Variants in LAMA4 observed in about 807,000 individuals in gnomAD.
LAMA4 encodes the protein laminin subunit alpha-4.
A neutral mutation model predicts 207.1 loss-of-function variants in LAMA4; 127 were observed. That is an observed-to-expected ratio of 0.61 (90% confidence interval 0.53 to 0.71). The LOEUF (loss-of-function observed/expected upper bound fraction) is 0.71. Ranked by LOEUF, LAMA4 falls within the 30% of genes least tolerant of loss-of-function variation. The pLI is 0.00. For missense variants in LAMA4, 2,093 were observed against 2,246.5 expected (o/e 0.93, Z 1.38); for synonymous variants, 761 against 816.0 (o/e 0.93, Z 1.15).
intron 2 of LAMA4, among the ~76,000 whole-genome samples, chr6:112,228,981 G>T (rs1785389964): frequency 6.6e-6 from 1 of 152,198 alleles, no homozygotes; most frequent in African/African-American, 2.4e-5. Flanking sequence ...CAGCAGATGT[G>T]CGAAGTGATA....
intron 5 of LAMA4, among the ~76,000 whole-genome samples, chr6:112,192,170 C>A (rs1190169235): frequency 6.6e-6 from 1 of 152,182 alleles, no homozygotes; most frequent in African/African-American, 2.4e-5. Context: ...ACCAGATATG[C>A]CAAAGGTACT....
rs4036073 is a variant in LAMA4, at chr6:112,118,721, A to ATGTGTGTGTG, written c.4821+425_4821+434dup. Among the ~76,000 whole-genome samples the ATGTGTGTGTG allele has an allele frequency of 2.7e-5, 4 of 148,436 alleles. No individual in the cohort carries two copies. The highest frequency in any genetic ancestry group is 9.9e-5 in the African/African-American group (4 of 40,556). Reference sequence around the variant, plus strand: ...TTACAAATTGTGTGTGTGTGTGTGTATGTGTGTGTGTGTGTGTGTGTGTGT... The same window carrying ATGTGTGTGTG: ...TTACAAATTGTGTGTGTGTGTGTGTATGTGTGTGTGTGTGTGTGTGTGTGTGTGTGTGTGT... On this transcript the variant is annotated intron_variant, in intron 34 of 38. Coordinates refer to ENST00000230538, the MANE Select transcript of LAMA4 (RefSeq NM_001105206.3). The surrounding 1 kb of genome is among the most constrained non-coding windows in gnomAD (Gnocchi z 4.6).
rs373103456 is a variant in LAMA4 at position 112,116,008 on chromosome 6, A to G, written c.4982-15T>C. ...GAAAGATTCATCTGTGGAGAGAAAC[A>G]CTATAAACTCCCAAGAACAGCAAGA... On this transcript the variant is annotated splice_polypyrimidine_tract_variant and intron_variant, in intron 35 of 38. Coordinates refer to ENST00000230538, the MANE Select transcript of LAMA4 (RefSeq NM_001105206.3). 1.1e-5 allele frequency: 17 copies of G among 1,609,654 alleles called. No individual in the cohort carries two copies. In the Admixed American group the frequency reaches 1.5e-4, roughly 14 times the overall value.
At chr6:112,167,619 A>C (rs916575882) in intron 12 of LAMA4, among the ~76,000 whole-genome samples, 2 of 152,228 alleles carry the variant, frequency 1.3e-5, no homozygotes, top group Non-Finnish European at 2.9e-5. Flanking sequence ...AGTCCAAGTT[A>C]ATATGAAATA....
chr6:112,186,064 A>T (rs1554346561), intron 8 of LAMA4, among the ~76,000 whole-genome samples: 1 of 152,262 alleles, frequency 6.6e-6, no homozygotes, highest in African/African-American at 2.4e-5. Context: ...CCAAGATTCT[A>T]TCCAGGCTAC....
intron 6 of LAMA4, among the ~76,000 whole-genome samples, chr6:112,190,697 T>A (rs1757532434): frequency 1.3e-5 from 2 of 152,250 alleles, no homozygotes; most frequent in Non-Finnish European, 1.5e-5. Context: ...TTTTCTATGC[T>A]ATCTTTGAAA....
At chr6:112,254,619 T>G, upstream of LAMA4, 4 of 189,022 alleles carry the variant, frequency 2.1e-5, no homozygotes, top group Non-Finnish European at 2.2e-5. Context: ...GCCCTCCCAC[T>G]CTAAGCTGGC....
intron 18 of LAMA4, among the ~76,000 whole-genome samples, chr6:112,145,650 A>T (rs1375680330): frequency 1.3e-5 from 2 of 151,606 alleles, no homozygotes; most frequent in Non-Finnish European, 1.5e-5. Context: ...CCACCCACCC[A>T]CTCCACTCAG....
intron 2 of LAMA4, among the ~76,000 whole-genome samples, chr6:112,230,772 T>C (rs782274174): frequency 5.8e-4 from 88 of 152,372 alleles, no homozygotes; most frequent in Admixed American, 2.8e-3. Flanking sequence ...GATTTGTTGC[T>C]GAATCCTCAG....
intron 6 of LAMA4, among the ~76,000 whole-genome samples, 179 bp from the exon 7 acceptor site, chr6:112,189,384 T>C (rs1554347807): frequency 6.6e-6 from 1 of 152,190 alleles, no homozygotes; most frequent in Non-Finnish European, 1.5e-5. Context: ...CTTCATCCGA[T>C]TAAGCTCCAG....
rs781854923 is a variant in LAMA4, at chr6:112,154,948, C to T, written c.1960-1G>A. The T allele has an allele frequency of 6.2e-6, 10 of 1,601,662 alleles. No homozygotes were observed. Among genetic ancestry groups the T allele is most frequent in the Non-Finnish European group, 8.6e-6 (10 of 1,169,084 alleles). On this transcript the variant is annotated splice_acceptor_variant, in intron 15 of 38. Coordinates refer to ENST00000230538, the MANE Select transcript of LAMA4 (RefSeq NM_001105206.3). LOFTEE classifies it high-confidence loss of function. Reference sequence around the variant, plus strand: ...TTTGAGTATCAATCCCACTCACCGCCTACAAAGGAATTGAGAGAAGAGGGT... The same window carrying T: ...TTTGAGTATCAATCCCACTCACCGCTTACAAAGGAATTGAGAGAAGAGGGT...
intron 2 of LAMA4, among the ~76,000 whole-genome samples, chr6:112,240,880 G>A (rs758922498): frequency 1.4e-4 from 21 of 151,694 alleles, no homozygotes; most frequent in South Asian, 2.1e-4. Context: ...TCTATATACT[G>A]ATTTTCTTTT....
chr6:112,175,951 T>G (rs536461357), intron 10 of LAMA4, among the ~76,000 whole-genome samples: 2 of 152,360 alleles, frequency 1.3e-5, no homozygotes, highest in Non-Finnish European at 2.9e-5. Context: ...AGTTATTAAT[T>G]GTATTTTAGA....
intron 38 of LAMA4, among the ~76,000 whole-genome samples, chr6:112,110,092 G>C (rs1777610990): frequency 6.6e-6 from 1 of 152,156 alleles, no homozygotes; most frequent in Non-Finnish European, 1.5e-5. Flanking sequence ...AATAAACTAA[G>C]ATTCAATTTT....
At position 112,148,244 on chromosome 6, in the gene LAMA4, C is replaced by G. The variant is rs781858392; in HGVS notation, c.2266G>C (p.Ala756Pro). Reference protein sequence around the residue: ...MEVQQATAPMANNLTNWSQNL... With the variant: ...MEVQQATAPMPNNLTNWSQNL... Reference sequence around the variant, plus strand: ...TGTGACCAGTTGGTTAGATTGTTGGCCATGGGGGCAGTGGCCTGCTGCACC... The same window carrying G: ...TGTGACCAGTTGGTTAGATTGTTGGGCATGGGGGCAGTGGCCTGCTGCACC... The change falls in exon 18 of 39, where the codon GCC (alanine) becomes CCC (proline). Residue 756 changes from alanine (A) to proline (P), a missense_variant. Physicochemically the swap from Ala to Pro is conservative, Grantham distance 27. Around this residue, in one of 3 missense-constraint regions of LAMA4, gnomAD observed 1,704 missense variants for 1,788.4 expected, o/e 0.95. Coordinates refer to ENST00000230538, the MANE Select transcript of LAMA4 (RefSeq NM_001105206.3). 4.3e-6 allele frequency: 7 copies of G among 1,614,038 alleles called. No individual in the cohort carries two copies. In the African/African-American group the frequency reaches 6.7e-5, roughly 15 times the overall value.
At position 112,120,403 on chromosome 6, in the gene LAMA4, T is replaced by C. The variant is rs1554325774; in HGVS notation, c.4545A>G (p.Glu1515=). 6.2e-7 allele frequency: 1 copy of C among 1,613,902 alleles called. No homozygotes were observed. Among genetic ancestry groups the C allele is most frequent in the Admixed American group, 1.7e-5 (1 of 60,000 alleles). The part of the protein sequence containing the change: ...HGMIFYVSDQ[E]ENDFMTLFLA... ...AAAATAGAGTCATGAAGTCATTCTC[T>C]TCTTGATCTGAGACATAGAAGATCA... The change falls in exon 33 of 39, where the codon GAA becomes GAG. Residue 1515 remains glutamate (E), a synonymous_variant. Coordinates refer to ENST00000230538, the MANE Select transcript of LAMA4 (RefSeq NM_001105206.3).
At chr6:112,178,310 G>T in intron 9 of LAMA4, 78 bp from the exon 10 acceptor site, 1 of 973,906 alleles carries the variant, frequency 1.0e-6, no homozygotes, top group South Asian at 1.3e-5. Context: ...GGGTGGGTGG[G>T]CATAATGTAT....
intron 12 of LAMA4, among the ~76,000 whole-genome samples, chr6:112,167,612 C>A (rs868914535): frequency 7.9e-5 from 12 of 152,124 alleles, no homozygotes; most frequent in Non-Finnish European, 1.2e-4. Context: ...ATTTAGAAGT[C>A]CAAGTTAATA....
chr6:112,230,317 G>C (rs550099412), intron 2 of LAMA4, among the ~76,000 whole-genome samples: 2 of 152,320 alleles, frequency 1.3e-5, no homozygotes, highest in Admixed American at 1.3e-4. Context: ...ACTGCAATCT[G>C]TTCCTTGCAG....
Sources: allele counts gnomAD v4.1 joint callset (sites outside exome capture counted in the v4.1 genomes callset), GRCh38; gene constraint gnomAD v4.1.1; regional missense constraint gnomAD v4.1.1; non-coding constraint Gnocchi (gnomAD v3.1); transcripts MANE v1.5; gene names NCBI Gene and HGNC (gene_info 2026-07-23, HGNC 2026-07-21).